Variants in GTF2I observed in about 807,000 individuals in gnomAD.
GTF2I encodes general transcription factor II-I.
In GTF2I, 12 loss-of-function variants were observed where a neutral mutation model predicts 67.6. The ratio of observed to expected loss-of-function variants is 0.18; its 90% confidence interval spans 0.11 to 0.29. The LOEUF is 0.29. Ranked by LOEUF, GTF2I falls within the 10% of genes least tolerant of loss-of-function variation. The probability of loss-of-function intolerance (pLI) is 1.00; values close to 1 mark genes in which losing one functional copy is unlikely to be tolerated. For synonymous variants in GTF2I, 149 were observed against 197.0 expected (o/e 0.76, Z 2.04); for missense variants, 271 against 580.1 (o/e 0.47, Z 5.47).
chr7:74,716,200 T>G (rs1792242061), intron 10 of GTF2I, among the ~76,000 whole-genome samples: 1 of 152,100 alleles, frequency 6.6e-6, no homozygotes, highest in South Asian at 2.1e-4. Context: ...ATGTCTTAGA[T>G]TCTTCCTTTC....
At chr7:74,675,431 G>T (rs999854552) in intron 1 of GTF2I, among the ~76,000 whole-genome samples, 1 of 152,050 alleles carries the variant, frequency 6.6e-6, no homozygotes, top group Non-Finnish European at 1.5e-5. Context: ...TTTTTTAAAA[G>T]AATGAATATT....
intron 8 of GTF2I, among the ~76,000 whole-genome samples, chr7:74,707,011 G>A (rs375945063): frequency 1.3e-5 from 2 of 152,076 alleles, no homozygotes; most frequent in African/African-American, 2.4e-5. Flanking sequence ...CATCACGCAC[G>A]ACTAATTTTT....
At chr7:74,687,422 C>T (rs781914779) in intron 1 of GTF2I, 35 of 178,426 alleles carry the variant, frequency 2.0e-4, no homozygotes, top group Non-Finnish European at 3.7e-4. Flanking sequence ...AGGGTTTCAC[C>T]ATGTTGGCCA....
At chr7:74,686,459 C>T (rs1787733220) in intron 1 of GTF2I, among the ~76,000 whole-genome samples, 1 of 152,174 alleles carries the variant, frequency 6.6e-6, no homozygotes. Flanking sequence ...GCAATATGAC[C>T]TTGACAAATC....
chr7:74,685,016 C>G (rs1229475563), intron 1 of GTF2I: 3 of 152,212 alleles, frequency 2.0e-5, no homozygotes, highest in Non-Finnish European at 4.4e-5. Flanking sequence ...GTTTAATTTT[C>G]TAGAGGTTTC....
intron 12 of GTF2I, among the ~76,000 whole-genome samples, chr7:74,720,971 C>T (rs1584272351): frequency 1.3e-5 from 2 of 152,192 alleles, no homozygotes; most frequent in South Asian, 2.1e-4. Flanking sequence ...AAGCTTATGT[C>T]AGCCTTTTGA....
chr7:74,737,295 C>A (rs1346146717), intron 18 of GTF2I, among the ~76,000 whole-genome samples: 1 of 149,202 alleles, frequency 6.7e-6, no homozygotes, highest in Non-Finnish European at 1.5e-5. Context: ...ACTTGTGCAT[C>A]CAGAAGAGAT....
intron 1 of GTF2I, among the ~76,000 whole-genome samples, chr7:74,661,984 T>A (rs1804538726): frequency 6.6e-6 from 1 of 151,842 alleles, no homozygotes. Flanking sequence ...ACACAGAAGG[T>A]TTGAGTGATA....
intron 1 of GTF2I, among the ~76,000 whole-genome samples, chr7:74,660,409 C>G (rs1554385976): frequency 6.6e-6 from 1 of 151,854 alleles, no homozygotes; most frequent in Non-Finnish European, 1.5e-5. Context: ...TCAGGCTGGT[C>G]TTGAACTCCT....
Position 74,698,941 on chromosome 7 carries a change from AT to A in GTF2I, c.239-14del, listed in dbSNP as rs1423962678. On this transcript the variant is annotated intron_variant, in intron 3 of 34. Coordinates refer to ENST00000573035, the MANE Select transcript of GTF2I (RefSeq NM_032999.4). ...GACCTTATTATTATTTTTTTATTTTATTTTTTATTTTTTTTACAGGTGTTGA... is the reference window on the plus strand; with the variant it reads ...GACCTTATTATTATTTTTTTATTTTATTTTTATTTTTTTTACAGGTGTTGA... The A allele has an allele frequency of 1.9e-5, 23 of 1,192,070 alleles. No homozygotes were observed. The highest frequency in any genetic ancestry group is 2.3e-5 in the Non-Finnish European group (21 of 897,018). 73.8% of individuals were successfully genotyped at this position (1,192,070 alleles called of 1,614,324 possible). A position where few individuals can be genotyped will look rare whatever the true frequency, so the allele number is the denominator to read the frequency against.
intron 1 of GTF2I, among the ~76,000 whole-genome samples, chr7:74,663,636 T>C (rs1222900355): frequency 6.6e-6 from 1 of 152,142 alleles, no homozygotes; most frequent in Non-Finnish European, 1.5e-5. Context: ...TGAAAGAAAG[T>C]AGAAAATACA....
chr7:74,717,919 C>G (rs1792458810), intron 11 of GTF2I, among the ~76,000 whole-genome samples: 1 of 152,154 alleles, frequency 6.6e-6, no homozygotes, highest in African/African-American at 2.4e-5. Flanking sequence ...TCCCTGTCAG[C>G]CCTTTTTATA....
At chr7:74,681,260 C>T (rs192203503) in intron 1 of GTF2I, among the ~76,000 whole-genome samples, 3 of 152,076 alleles carry the variant, frequency 2.0e-5, no homozygotes, top group African/African-American at 7.2e-5. Context: ...CATGACGAAA[C>T]CCCATCTCTA....
intron 2 of GTF2I, 121 bp downstream of exon 2, chr7:74,689,348 CTT>C (rs1162860651): frequency 0.032 from 4,599 of 143,808 alleles, no homozygotes; most frequent in South Asian, 0.051. Flanking sequence ...TTTTTCTTTA[CTT>C]TTTTTTTTTT....
intron 1 of GTF2I, among the ~76,000 whole-genome samples, chr7:74,672,821 C>G (rs1006265443): frequency 6.6e-6 from 1 of 152,064 alleles, no homozygotes; most frequent in Non-Finnish European, 1.5e-5. Context: ...AAGACAATAT[C>G]GACAACAATG....
rs782769899 is a variant in GTF2I at position 74,732,600 on chromosome 7, C to T, written c.1242C>T (p.Tyr414=). ...EGIPFRRPST[Y]GIPRLERILL... is the part of the protein sequence containing the mutation. The stretch of plus-strand genomic sequence containing the variant: ...TTCCTTTTAGAAGGCCATCTACTTA[C>T]GGAATTCCTCGCCTGGAGAGGATAT... The change falls in exon 15 of 35, where the codon TAC becomes TAT. Residue 414 remains tyrosine, a synonymous_variant. Transcript: ENST00000573035. The T allele has an allele frequency of 2.3e-5, 37 of 1,589,648 alleles. No homozygotes were observed. In the East Asian group the frequency reaches 4.9e-4, roughly 21 times the overall value.
intron 1 of GTF2I, among the ~76,000 whole-genome samples, chr7:74,668,829 C>T (rs587775409): frequency 3.3e-5 from 5 of 152,168 alleles, no homozygotes; most frequent in African/African-American, 1.2e-4. Context: ...GCCTTGGCCT[C>T]CCAGAGTGCT....
intron 12 of GTF2I, among the ~76,000 whole-genome samples, chr7:74,720,005 T>A (rs1792736594): frequency 6.6e-6 from 1 of 152,190 alleles, no homozygotes; most frequent in Non-Finnish European, 1.5e-5. Flanking sequence ...TGTGGTAAAA[T>A]GTGAAAATGG....
In GTF2I at chr7:74,732,516, G is replaced by A. The variant is rs148023732; in HGVS notation, c.1158G>A (p.Pro386=). The part of the protein sequence containing the change: ...AIKAKGPVTI[P]YPLFQSHVED... The stretch of plus-strand genomic sequence containing the variant: ...AAGCCAAAGGTCCGGTGACGATCCC[G>A]TACCCTCTTTTCCAGTCTCATGTTG... The change falls in exon 15 of 35, where the codon CCG becomes CCA. Residue 386 remains proline, a synonymous_variant. Transcript: ENST00000573035. 3.0e-4 allele frequency: 486 copies of A among 1,600,684 alleles called. 1 individual carries two copies. The highest frequency in any genetic ancestry group is 3.6e-4 in the Non-Finnish European group (425 of 1,175,870).
Sources: gnomAD v4.1 joint callset for allele counts (sites outside exome capture counted in the v4.1 genomes callset) on GRCh38, gnomAD v4.1.1 for gene constraint, MANE v1.5 for transcripts, NCBI Gene and HGNC (gene_info 2026-07-23, HGNC 2026-07-21) for gene names.